SDK2: variants seen among roughly 807,000 people sequenced by gnomAD.
SDK2 encodes sidekick cell adhesion molecule 2.
A neutral mutation model predicts 253.9 loss-of-function variants in SDK2; 105 were observed. The ratio of observed to expected loss-of-function variants is 0.41; its 90% CI spans 0.35 to 0.49. The LOEUF (loss-of-function observed/expected upper bound fraction) is 0.49. Among genes scored for constraint, SDK2 ranks in the 20% least tolerant of loss-of-function variants. The probability of loss-of-function intolerance (pLI) is 0.06; values close to 1 mark genes in which losing one functional copy is unlikely to be tolerated. For missense variants in SDK2, 2,608 were observed against 3,003.0 expected (o/e 0.87, Z 3.07); for synonymous variants, 1,249 against 1,234.9 (o/e 1.01, Z -0.24).
At chr17:73,469,505 C>A (rs2145689013) in intron 3 of SDK2, among the ~76,000 whole-genome samples, 1 of 152,344 alleles carries the variant, frequency 6.6e-6, no homozygotes, top group African/African-American at 2.4e-5. Flanking sequence ...GAGCCCTTCT[C>A]TGCAGCACCT....
rs149040608 is a variant in SDK2 at position 73,593,192 on chromosome 17, TG to T, written c.64+50832del. ...CACCCTCTGCCTACGTCTGTGCCAC[TG>T]GGGGGCTGTGTTCAGTGTGGATGTG... is the stretch of plus-strand genomic sequence containing the variant. On this transcript the variant is annotated intron_variant, in intron 1 of 44. Transcript: ENST00000392650. Among the ~76,000 whole-genome samples the T allele has an allele frequency of 4.1e-3, 625 of 152,256 alleles. 8 individuals are homozygous for T. The highest frequency in any genetic ancestry group is 0.014 in the African/African-American group (586 of 41,540).
intron 1 of SDK2, among the ~76,000 whole-genome samples, chr17:73,577,632 G>A (rs907507017): frequency 6.6e-6 from 1 of 152,162 alleles, no homozygotes; most frequent in Admixed American, 6.5e-5. Flanking sequence ...CAGGTGCTGT[G>A]GGGGAGGGAG....
chr17:73,433,588 C>T (rs1044349265), intron 10 of SDK2, 144 bp downstream of exon 10: 5 of 615,146 alleles, frequency 8.1e-6, no homozygotes, highest in East Asian at 3.1e-5. Context: ...CGCGCCCGGC[C>T]GAGAGATGCT....
Position 73,388,162 on chromosome 17 carries a change from T to C in SDK2, c.4193-125A>G. On this transcript the variant is annotated intron_variant, in intron 29 of 44. Coordinates refer to ENST00000392650, the MANE Select transcript of SDK2 (RefSeq NM_001144952.2). ...GCCTGGCATCCCCTTCCCATCCCAA[T>C]TCCATGCACGCAGGATCCTTGCAGG... 3 of 681,412 alleles carry C rather than the reference T, an allele frequency of 4.4e-6. No homozygotes were observed. The East Asian group carries it at 8.2e-5, about 19-fold the overall frequency. The allele number at this position is 681,412 out of a possible 1,614,324, so 42.2% of individuals were successfully genotyped here.
intron 1 of SDK2, among the ~76,000 whole-genome samples, chr17:73,630,691 C>A (rs2046257585): frequency 6.6e-6 from 1 of 152,190 alleles, no homozygotes; most frequent in Admixed American, 6.5e-5. Context: ...TAAGTCCTAA[C>A]ATTCCCGGGG....
intron 5 of SDK2, among the ~76,000 whole-genome samples, chr17:73,441,377 C>G (rs1024461118): frequency 1.3e-5 from 2 of 152,186 alleles, no homozygotes; most frequent in African/African-American, 4.8e-5. Flanking sequence ...AATTCATGCC[C>G]ATCTGGCACC....
rs182116385 is a variant in SDK2, at chr17:73,629,189, T to A, written c.64+14836A>T. Among the ~76,000 whole-genome samples the A allele has an allele frequency of 6.6e-6, 1 of 152,284 alleles. No individual in the cohort carries two copies. Among genetic ancestry groups the A allele is most frequent in the East Asian group, 1.9e-4 (1 of 5,178 alleles). ...TGAGGTAGCCCTTTGTAATCTGACCTTAGTAATTCTCTTTGTTCCCTACCA... is the reference window on the plus strand; with the variant it reads ...TGAGGTAGCCCTTTGTAATCTGACCATAGTAATTCTCTTTGTTCCCTACCA... On this transcript the variant is annotated intron_variant, in intron 1 of 44. Transcript: ENST00000392650. This position sits in a 1 kb window ranked among gnomAD's most constrained non-coding sequence, Gnocchi z 5.0.
chr17:73,492,429 A>G (rs1446120821), intron 2 of SDK2, among the ~76,000 whole-genome samples: 3 of 151,988 alleles, frequency 2.0e-5, no homozygotes, highest in Non-Finnish European at 4.4e-5. Flanking sequence ...ACTGTGCCCT[A>G]TCTCCCCTGG....
intron 2 of SDK2, among the ~76,000 whole-genome samples, chr17:73,488,843 C>G (rs1485349065): frequency 6.6e-6 from 1 of 152,088 alleles, no homozygotes; most frequent in Non-Finnish European, 1.5e-5. Context: ...TTGCTGCCCC[C>G]ACTCCATTTC....
intron 1 of SDK2, among the ~76,000 whole-genome samples, chr17:73,587,668 G>A (rs551702559): frequency 1.3e-4 from 20 of 152,234 alleles, no homozygotes; most frequent in African/African-American, 3.9e-4. Flanking sequence ...TTCCAGCCCC[G>A]GGGGACAATC....
intron 18 of SDK2, among the ~76,000 whole-genome samples, chr17:73,413,584 G>A (rs1015819628): frequency 2.4e-4 from 37 of 152,076 alleles, no homozygotes; most frequent in African/African-American, 8.9e-4. Context: ...CAGCCCAAAT[G>A]CATTTCTACG....
At chr17:73,348,151 G>A (rs545370533) in intron 44 of SDK2, among the ~76,000 whole-genome samples, 41 of 152,336 alleles carry the variant, frequency 2.7e-4, no homozygotes, top group African/African-American at 9.1e-4. Flanking sequence ...CAGGGCTCCA[G>A]GGCACCCAGC....
Position 73,415,932 on chromosome 17 carries a change from C to A in SDK2, c.2247G>T (p.Val749=). The part of the protein sequence containing the change: ...YQFKNITDAD[V]NNLLLEDLII... ...TGAGATCCTCCAGCAGCAGGTTGTT[C>A]ACATCAGCATCCGTGATGTTCTTAA... Residue 749 remains valine, a synonymous_variant, in exon 17 of 45, where the codon GTG becomes GTT. Coordinates refer to ENST00000392650, the MANE Select transcript of SDK2 (RefSeq NM_001144952.2). 6.2e-7 allele frequency: 1 copy of A among 1,611,108 alleles called. No individual in the cohort carries two copies. Among genetic ancestry groups the A allele is most frequent in the Non-Finnish European group, 8.5e-7 (1 of 1,178,832 alleles).
At chr17:73,581,367 T>G (rs2145882622) in intron 1 of SDK2, among the ~76,000 whole-genome samples, 1 of 152,360 alleles carries the variant, frequency 6.6e-6, no homozygotes, top group South Asian at 2.1e-4. Flanking sequence ...GTCCTAAGGC[T>G]AGTCTCTTCC....
chr17:73,510,289 C>A (rs2063970107), intron 1 of SDK2, among the ~76,000 whole-genome samples: 1 of 152,196 alleles, frequency 6.6e-6, no homozygotes, highest in Non-Finnish European at 1.5e-5. Flanking sequence ...CCAAACCTTG[C>A]ACCCCACAGG....
At chr17:73,581,033 C>A (rs1320614737) in intron 1 of SDK2, among the ~76,000 whole-genome samples, 1 of 150,778 alleles carries the variant, frequency 6.6e-6, no homozygotes, top group Non-Finnish European at 1.5e-5. Flanking sequence ...ACATGCCCAG[C>A]TAATTTTTGT....
At chr17:73,437,378 T>C (rs138144433) in intron 8 of SDK2, among the ~76,000 whole-genome samples, 4 of 152,242 alleles carry the variant, frequency 2.6e-5, no homozygotes, top group Non-Finnish European at 2.9e-5. Context: ...GCTGAGCTTA[T>C]AAGACACATC....
At chr17:73,339,872 T>TTC (rs913885801) in intron 44 of SDK2, among the ~76,000 whole-genome samples, 4 of 151,682 alleles carry the variant, frequency 2.6e-5, no homozygotes, top group African/African-American at 9.7e-5. Flanking sequence ...TTTCTTTTCT[T>TTC]TCTTTCTTTT....
Position 73,338,534 on chromosome 17 carries a change from G to T in SDK2, c.*53C>A. On this transcript the variant is annotated 3_prime_UTR_variant, in exon 45 of 45. Transcript: ENST00000392650. This position sits in a 1 kb window ranked among gnomAD's most constrained non-coding sequence, Gnocchi z 5.0. ...TTTTCTGGCAGGCAGTGAGAGGAGGGGTGAAGGAGGAGTTTGGTGCCATTT... is the reference window on the plus strand; with the variant it reads ...TTTTCTGGCAGGCAGTGAGAGGAGGTGTGAAGGAGGAGTTTGGTGCCATTT... 9.5e-7 allele frequency: 1 copy of T among 1,049,720 alleles called. No individual in the cohort carries two copies. The highest frequency in any genetic ancestry group is 1.4e-6 in the Non-Finnish European group (1 of 725,692). 65.0% of individuals were successfully genotyped at this position (1,049,720 alleles called of 1,614,324 possible).
Sources: gnomAD v4.1 joint callset for allele counts (sites outside exome capture counted in the v4.1 genomes callset) on GRCh38, gnomAD v4.1.1 for gene constraint, Gnocchi (gnomAD v3.1) non-coding constraint, MANE v1.5 for transcripts, NCBI Gene and HGNC (gene_info 2026-07-23, HGNC 2026-07-21) for gene names.